The following NKAIN2 variants were observed in gnomAD, a reference collection of about 807,000 sequenced individuals.
NKAIN2 encodes the protein sodium/potassium-transporting ATPase subunit beta-1-interacting protein 2.
A neutral mutation model predicts 32.6 loss-of-function variants in NKAIN2; 14 were observed. The ratio of observed to expected loss-of-function variants is 0.43; its 90% CI spans 0.28 to 0.67. The LOEUF is 0.67. Ranked by LOEUF, NKAIN2 falls within the 30% of genes least tolerant of loss-of-function variation. The pLI is 0.17. For missense variants in NKAIN2, 198 were observed against 258.3 expected (o/e 0.77, Z 1.60); for synonymous variants, 80 against 87.2 (o/e 0.92, Z 0.46).
At chr6:124,049,066 A>G (rs1421656247) in intron 1 of NKAIN2, among the ~76,000 whole-genome samples, 1 of 152,076 alleles carries the variant, frequency 6.6e-6, no homozygotes, top group Non-Finnish European at 1.5e-5. Context: ...AGTTTATTAT[A>G]GTCAACATTG....
intron 1 of NKAIN2, among the ~76,000 whole-genome samples, chr6:124,014,530 A>G (rs1054448180): frequency 3.9e-5 from 6 of 152,016 alleles, no homozygotes; most frequent in African/African-American, 1.4e-4. Flanking sequence ...TGTTCTCAAT[A>G]TATTATGGTA....
At position 124,453,285 on chromosome 6, in the gene NKAIN2, T is replaced by C. The variant is rs544655632; in HGVS notation, c.273+97938T>C. Among the ~76,000 whole-genome samples the C allele has an allele frequency of 2.7e-5, 4 of 149,144 alleles. 1 individual carries two copies. The South Asian group carries it at 8.5e-4, about 32-fold the overall frequency. ...TCATTCTTTTCCGGTGCCATTTTTT[T>C]CCTTCCCCCACTTTCTCCCCCTCAT... On this transcript the variant is annotated intron_variant, in intron 3 of 6. Transcript: ENST00000368417.
At chr6:124,642,298 A>C (rs1784022964) in intron 3 of NKAIN2, among the ~76,000 whole-genome samples, 1 of 152,212 alleles carries the variant, frequency 6.6e-6, no homozygotes, top group Non-Finnish European at 1.5e-5. Flanking sequence ...ATCTTGAACA[A>C]TATAATTTGC....
At chr6:124,436,541 T>C (rs62436343) in intron 3 of NKAIN2, among the ~76,000 whole-genome samples, 3,492 of 152,294 alleles carry the variant, frequency 0.023, 90 homozygotes, top group Non-Finnish European at 0.033. Context: ...TAGAAACGTA[T>C]TTGAATAGAA....
chr6:124,476,581 G>A (rs1211848358), intron 3 of NKAIN2, among the ~76,000 whole-genome samples: 2 of 152,110 alleles, frequency 1.3e-5, no homozygotes, highest in African/African-American at 4.8e-5. Context: ...AATCTAGTCA[G>A]TGTTAAGATT....
At chr6:123,903,079 G>A (rs1774681885) in intron 1 of NKAIN2, among the ~76,000 whole-genome samples, 1 of 152,158 alleles carries the variant, frequency 6.6e-6, no homozygotes, top group Non-Finnish European at 1.5e-5. Context: ...TAACAGCAAT[G>A]AATTATGGGA....
At chr6:123,852,777 A>T (rs557606108) in intron 1 of NKAIN2, among the ~76,000 whole-genome samples, 2 of 152,328 alleles carry the variant, frequency 1.3e-5, no homozygotes, top group East Asian at 3.9e-4. Context: ...AATCTCACTT[A>T]TATGTGGAAA....
chr6:124,408,386 A>C (rs1773973183), intron 3 of NKAIN2, among the ~76,000 whole-genome samples: 1 of 152,186 alleles, frequency 6.6e-6, no homozygotes, highest in African/African-American at 2.4e-5. Context: ...AGGTGTAAGG[A>C]AGGGATCCAG....
At chr6:124,746,371 G>C (rs1777452252) in intron 4 of NKAIN2, among the ~76,000 whole-genome samples, 1 of 151,818 alleles carries the variant, frequency 6.6e-6, no homozygotes, top group South Asian at 2.1e-4. Context: ...GAAAAGGAAT[G>C]AACTAGTTTA....
At chr6:124,686,495 C>A (rs975482570) in intron 4 of NKAIN2, among the ~76,000 whole-genome samples, 1 of 152,006 alleles carries the variant, frequency 6.6e-6, no homozygotes, top group South Asian at 2.1e-4. Flanking sequence ...ACAACCAGAT[C>A]TCATAGAACC....
At chr6:124,313,304 T>A (rs1796799315) in intron 2 of NKAIN2, among the ~76,000 whole-genome samples, 1 of 152,134 alleles carries the variant, frequency 6.6e-6, no homozygotes, top group Non-Finnish European at 1.5e-5. Flanking sequence ...AACTAGTAGG[T>A]GGAAACATCT....
chr6:124,030,494 C>T (rs1781360337), intron 1 of NKAIN2, among the ~76,000 whole-genome samples: 1 of 152,136 alleles, frequency 6.6e-6, no homozygotes. Context: ...GTGGTTCTTA[C>T]TATGTAGAAT....
At chr6:124,463,952 A>G (rs1195226169) in intron 3 of NKAIN2, among the ~76,000 whole-genome samples, 1 of 152,072 alleles carries the variant, frequency 6.6e-6, no homozygotes, top group Non-Finnish European at 1.5e-5. Flanking sequence ...AGGTTGGTGC[A>G]GGAAATCATT....
chr6:124,604,721 A>G (rs866184244), intron 3 of NKAIN2, among the ~76,000 whole-genome samples: 19 of 152,100 alleles, frequency 1.2e-4, no homozygotes, highest in Middle Eastern at 6.8e-3. Flanking sequence ...CATTTTACCT[A>G]TTTGAGTGGA....
chr6:124,509,276 A>T (rs1333780165), intron 3 of NKAIN2, among the ~76,000 whole-genome samples: 1 of 152,172 alleles, frequency 6.6e-6, no homozygotes, highest in Non-Finnish European at 1.5e-5. Flanking sequence ...TATCAATAGG[A>T]CTTAGAAAGG....
chr6:123,976,311 C>T (rs9401717), intron 1 of NKAIN2, among the ~76,000 whole-genome samples: 15,402 of 42,692 alleles, frequency 0.36, 3,050 homozygotes, highest in Non-Finnish European at 0.4. Context: ...ATATATGTTT[C>T]CATATATATA....
In NKAIN2 at chr6:124,823,550, G is replaced by A. The variant is rs1463346392; in HGVS notation, c.*321G>A. ...AGAAGGAGATGTGTTGATGCCCAAC[G>A]GTTGCCGGCCATTGCTAACTCCTCT... On this transcript the variant is annotated 3_prime_UTR_variant, in exon 7 of 7. Transcript: ENST00000368417. 4 of 302,798 alleles carry A rather than the reference G, an allele frequency of 1.3e-5. No homozygotes were observed. The highest frequency in any genetic ancestry group is 4.2e-5 in the African/African-American group (2 of 47,220). 18.8% of individuals were successfully genotyped at this position (302,798 alleles called of 1,614,324 possible).
intron 1 of NKAIN2, among the ~76,000 whole-genome samples, chr6:123,911,836 C>T (rs1775223986): frequency 3.8e-5 from 3 of 78,210 alleles, no homozygotes; most frequent in Non-Finnish European, 5.5e-5. Context: ...CACACACACA[C>T]ACACACACAC....
chr6:124,413,792 G>T (rs186914207), intron 3 of NKAIN2, among the ~76,000 whole-genome samples: 14 of 152,110 alleles, frequency 9.2e-5, no homozygotes, highest in Non-Finnish European at 1.9e-4. Flanking sequence ...TCATATTTTT[G>T]ATCATACTGG....
Sources: allele counts gnomAD v4.1 joint callset (sites outside exome capture counted in the v4.1 genomes callset), GRCh38; gene constraint gnomAD v4.1.1; transcripts MANE v1.5; gene names NCBI Gene and HGNC (gene_info 2026-07-23, HGNC 2026-07-21).